FRMD4A: variants seen among roughly 807,000 people sequenced by gnomAD.
The protein encoded by FRMD4A is FERM domain-containing protein 4A.
A neutral mutation model predicts 129.1 loss-of-function variants in FRMD4A; 29 were observed. The observed-to-expected ratio is 0.22, with a 90% confidence interval of 0.17 to 0.31. The LOEUF is 0.31. Ranked by LOEUF, FRMD4A falls within the 10% of genes least tolerant of loss-of-function variation. FRMD4A has a pLI of 1.00. For missense variants in FRMD4A, 1,272 were observed against 1,375.8 expected (o/e 0.92, Z 1.19); for synonymous variants, 634 against 571.6 (o/e 1.11, Z -1.56).
chr10:13,905,075 G>C (rs924503114), intron 2 of FRMD4A, among the ~76,000 whole-genome samples: 1 of 151,642 alleles, frequency 6.6e-6, no homozygotes, highest in Non-Finnish European at 1.5e-5. Context: ...AAGGAAGGCA[G>C]CCTTCCTTAA....
At chr10:13,901,671 T>G (rs115794952) in intron 2 of FRMD4A, among the ~76,000 whole-genome samples, 1,552 of 151,552 alleles carry the variant, frequency 0.01, 27 homozygotes, top group Middle Eastern at 0.034. Context: ...TATTGTAACA[T>G]CAATTATTGT....
chr10:14,272,158 A>G (rs1054246865), intron 2 of FRMD4A, among the ~76,000 whole-genome samples: 3 of 152,190 alleles, frequency 2.0e-5, no homozygotes, highest in Non-Finnish European at 4.4e-5. Flanking sequence ...GTAAAGGTCA[A>G]TGCAGCTCAG....
At chr10:13,891,236 C>G (rs1294765465) in intron 2 of FRMD4A, among the ~76,000 whole-genome samples, 1 of 152,080 alleles carries the variant, frequency 6.6e-6, no homozygotes, top group Non-Finnish European at 1.5e-5. Flanking sequence ...CCCCGCCACC[C>G]TTGTCTGAAA....
At chr10:13,872,728 A>G (rs2094451132) in intron 2 of FRMD4A, among the ~76,000 whole-genome samples, 1 of 152,252 alleles carries the variant, frequency 6.6e-6, no homozygotes, top group South Asian at 2.1e-4. Context: ...GTTCTTTGCC[A>G]CATGGAGCTC....
At chr10:14,096,168 T>C (rs955073664) in intron 2 of FRMD4A, among the ~76,000 whole-genome samples, 24 of 152,180 alleles carry the variant, frequency 1.6e-4, no homozygotes, top group African/African-American at 3.9e-4. Flanking sequence ...AAGTGGAATC[T>C]TCACGAATGG....
chr10:14,092,261 C>T (rs551943953), intron 2 of FRMD4A, among the ~76,000 whole-genome samples: 2 of 152,318 alleles, frequency 1.3e-5, no homozygotes, highest in South Asian at 4.1e-4. Flanking sequence ...ACTCAGCACT[C>T]GGGTTCTATT....
At chr10:13,930,749 C>T (rs79336106) in intron 2 of FRMD4A, among the ~76,000 whole-genome samples, 3 of 152,058 alleles carry the variant, frequency 2.0e-5, no homozygotes, top group Non-Finnish European at 4.4e-5. Flanking sequence ...GGCAAAAGAG[C>T]CTTTAATTGC....
chr10:13,951,196 G>A (rs1031080159), intron 2 of FRMD4A, among the ~76,000 whole-genome samples: 5 of 152,120 alleles, frequency 3.3e-5, no homozygotes, highest in Non-Finnish European at 5.9e-5. Flanking sequence ...AATGGCCATT[G>A]GTGATCCTTC....
intron 2 of FRMD4A, among the ~76,000 whole-genome samples, chr10:14,259,203 A>G (rs892988972): frequency 1.4e-4 from 21 of 152,216 alleles, no homozygotes; most frequent in African/African-American, 3.9e-4. Flanking sequence ...AAAAAGGTAA[A>G]TGGCAAACAA....
chr10:13,912,771 C>T (rs1032855848), intron 2 of FRMD4A, among the ~76,000 whole-genome samples: 2 of 151,922 alleles, frequency 1.3e-5, no homozygotes, highest in Middle Eastern at 3.4e-3. Flanking sequence ...CTTTGTGATC[C>T]GCCTGCCTAG....
intron 2 of FRMD4A, among the ~76,000 whole-genome samples, chr10:14,282,254 G>T (rs1845545386): frequency 6.6e-6 from 1 of 152,098 alleles, no homozygotes; most frequent in African/African-American, 2.4e-5. Flanking sequence ...CACAGCCAAA[G>T]CATATCAATA....
intron 2 of FRMD4A, among the ~76,000 whole-genome samples, chr10:14,177,631 G>A (rs1218182695): frequency 4.6e-5 from 7 of 152,190 alleles, no homozygotes; most frequent in Non-Finnish European, 2.9e-5. Context: ...ACAGAGGGGG[G>A]ACTATGCCAA....
intron 2 of FRMD4A, among the ~76,000 whole-genome samples, chr10:13,997,793 G>T (rs943837703): frequency 1.3e-5 from 2 of 151,740 alleles, no homozygotes. Flanking sequence ...CAGCTAATTT[G>T]TTTGTAGAGA....
Position 13,810,846 on chromosome 10 carries a change from CT to C in FRMD4A, c.173del (p.Lys58ArgfsTer6). On this transcript the variant is annotated frameshift_variant, in exon 4 of 25. Transcript: ENST00000357447. LOFTEE classifies it high-confidence loss of function. ...LVASHFNLKE[K>X]EYFGIAFTDE... The stretch of plus-strand genomic sequence containing the variant: ...CTGTGAATGCTATTCCAAAGTACTC[CT>C]TTTCCTTCAGATTGAAGTGAGAAGC... 6.2e-7 allele frequency: 1 copy of C among 1,601,156 alleles called. No individual in the cohort carries two copies. The highest frequency in any genetic ancestry group is 8.6e-7 in the Non-Finnish European group (1 of 1,168,896).
intron 2 of FRMD4A, among the ~76,000 whole-genome samples, chr10:14,193,024 A>T (rs894998484): frequency 6.6e-6 from 1 of 152,252 alleles, no homozygotes; most frequent in Non-Finnish European, 1.5e-5. Flanking sequence ...CTGCACTGTT[A>T]TCCTTGTCAA....
At chr10:13,820,334 G>A (rs536928266) in intron 3 of FRMD4A, among the ~76,000 whole-genome samples, 1 of 152,156 alleles carries the variant, frequency 6.6e-6, no homozygotes, top group Non-Finnish European at 1.5e-5. Flanking sequence ...AGTGATCTCA[G>A]TGCGAAGCCT....
In FRMD4A at chr10:13,971,765, G is replaced by T. The variant is rs779367482; in HGVS notation, c.46-112853C>A. The T allele has an allele frequency of 6.9e-6, 9 of 1,304,262 alleles. No individual in the cohort carries two copies. In the African/African-American group the frequency reaches 1.4e-4, roughly 20 times the overall value. The allele number at this position is 1,304,262 out of a possible 1,614,324, so 80.8% of individuals were successfully genotyped here. A position where few individuals can be genotyped will look rare whatever the true frequency, so the allele number is the denominator to read the frequency against. The stretch of plus-strand genomic sequence containing the variant: ...CCGACAAGTCAGGTTCCAACTCCAC[G>T]GTGGGTCCTCAGAGCCAAGCAGCCC... On this transcript the variant is annotated intron_variant, in intron 2 of 24. Coordinates refer to ENST00000357447, the MANE Select transcript of FRMD4A (RefSeq NM_018027.5).
At chr10:14,229,109 GT>G (rs539927831) in intron 2 of FRMD4A, among the ~76,000 whole-genome samples, 5 of 148,462 alleles carry the variant, frequency 3.4e-5, no homozygotes, top group South Asian at 4.3e-4. Flanking sequence ...TTTGTTTTTT[GT>G]TTTTTTTTAA....
intron 2 of FRMD4A, among the ~76,000 whole-genome samples, chr10:13,903,246 C>T (rs1320820667): frequency 3.3e-5 from 5 of 152,160 alleles, no homozygotes; most frequent in African/African-American, 7.2e-5. Flanking sequence ...CTGCTCCCCC[C>T]GTTCCTAATC....
Sources: gnomAD v4.1 joint callset for allele counts (sites outside exome capture counted in the v4.1 genomes callset) on GRCh38, gnomAD v4.1.1 for gene constraint, MANE v1.5 for transcripts, NCBI Gene and HGNC (gene_info 2026-07-23, HGNC 2026-07-21) for gene names.